ASTN1: variants seen among roughly 807,000 people sequenced by gnomAD.
ASTN1 encodes the protein astrotactin-1.
In ASTN1, 41 loss-of-function variants were observed where a neutral mutation model predicts 140.7. That is an observed-to-expected ratio of 0.29 (90% confidence interval 0.23 to 0.38). The LOEUF is 0.38. Among genes scored for constraint, ASTN1 ranks in the 10% least tolerant of loss-of-function variants. The pLI is 1.00. For synonymous variants in ASTN1, 640 were observed against 652.2 expected (o/e 0.98, Z 0.29); for missense variants, 1,479 against 1,678.8 (o/e 0.88, Z 2.08).
At chr1:177,108,134 G>T (rs1476577911) in intron 1 of ASTN1, among the ~76,000 whole-genome samples, 1 of 152,132 alleles carries the variant, frequency 6.6e-6, no homozygotes, top group South Asian at 2.1e-4. Flanking sequence ...CAGATCACAA[G>T]GTCAGGAGAT....
intron 12 of ASTN1, among the ~76,000 whole-genome samples, 171 bp downstream of exon 12, chr1:176,949,014 T>C (rs1435183924): frequency 6.6e-6 from 1 of 152,162 alleles, no homozygotes; most frequent in Non-Finnish European, 1.5e-5. Flanking sequence ...CTTTAAAATG[T>C]TCCCCCTCGA....
At chr1:177,082,812 G>A (rs1679243908) in intron 1 of ASTN1, among the ~76,000 whole-genome samples, 1 of 152,134 alleles carries the variant, frequency 6.6e-6, no homozygotes, top group Admixed American at 6.5e-5. Flanking sequence ...GGTATTGGTA[G>A]CTCATTACTT....
At chr1:176,926,865 A>T (rs1670991534) in intron 16 of ASTN1, among the ~76,000 whole-genome samples, 3 of 152,198 alleles carry the variant, frequency 2.0e-5, no homozygotes. Context: ...ATCAGCCTGA[A>T]ATACACAAGG....
At chr1:177,106,843 TG>T (rs1680568258) in intron 1 of ASTN1, among the ~76,000 whole-genome samples, 1 of 152,208 alleles carries the variant, frequency 6.6e-6, no homozygotes, top group South Asian at 2.1e-4. Flanking sequence ...AGTAATTTGC[TG>T]TCCTAATTCC....
chr1:177,121,593 G>A (rs1166658166), intron 1 of ASTN1, among the ~76,000 whole-genome samples: 1 of 152,040 alleles, frequency 6.6e-6, no homozygotes, highest in Non-Finnish European at 1.5e-5. Context: ...AAGGTATAGA[G>A]CATTTTACTA....
intron 16 of ASTN1, among the ~76,000 whole-genome samples, chr1:176,897,494 G>T (rs913322027): frequency 6.6e-6 from 1 of 151,880 alleles, no homozygotes; most frequent in African/African-American, 2.4e-5. Context: ...GAATTTGTTC[G>T]AGTCTGGGAA....
intron 15 of ASTN1, among the ~76,000 whole-genome samples, chr1:176,935,791 ATCTCTCAG>A (rs1347433281): frequency 6.8e-6 from 1 of 146,816 alleles, no homozygotes; most frequent in African/African-American, 2.5e-5. Context: ...CTTTCTCTCA[ATCTCTCAG>A]TCTCTTTATT....
intron 1 of ASTN1, among the ~76,000 whole-genome samples, chr1:177,124,868 G>A (rs999738353): frequency 2.0e-5 from 3 of 152,154 alleles, no homozygotes; most frequent in Non-Finnish European, 4.4e-5. Context: ...TTTCACATGG[G>A]GCTATAGAGA....
chr1:177,089,822 A>G (rs1679657068), intron 1 of ASTN1, among the ~76,000 whole-genome samples: 1 of 152,166 alleles, frequency 6.6e-6, no homozygotes, highest in Non-Finnish European at 1.5e-5. Context: ...TAGAGACACG[A>G]AAATAGAAAT....
chr1:177,010,109 T>C (rs1036108806), intron 8 of ASTN1, among the ~76,000 whole-genome samples: 2 of 152,186 alleles, frequency 1.3e-5, no homozygotes, highest in Non-Finnish European at 2.9e-5. Flanking sequence ...CTGTTTTTCC[T>C]CCTCTAATAT....
intron 7 of ASTN1, 166 bp downstream of exon 7, chr1:177,023,238 T>C (rs968490176): frequency 2.4e-6 from 2 of 843,118 alleles, no homozygotes; most frequent in African/African-American, 3.6e-5. Flanking sequence ...ACCACAGTTT[T>C]AGCCAATAAG....
At chr1:177,103,655 T>TC (rs1036577586) in intron 1 of ASTN1, among the ~76,000 whole-genome samples, 2 of 152,122 alleles carry the variant, frequency 1.3e-5, no homozygotes, top group Non-Finnish European at 2.9e-5. Flanking sequence ...GACTCTCTTC[T>TC]CTAAGGCTTC....
At chr1:177,042,788 T>C (rs947963122) in intron 2 of ASTN1, among the ~76,000 whole-genome samples, 1 of 152,218 alleles carries the variant, frequency 6.6e-6, no homozygotes, top group Non-Finnish European at 1.5e-5. Context: ...CCGTGTCACA[T>C]AGAAAGAAGC....
At chr1:176,857,867 C>T (rs997622427), downstream of ASTN1, among the ~76,000 whole-genome samples, 1 of 152,146 alleles carries the variant, frequency 6.6e-6, no homozygotes, top group African/African-American at 2.4e-5. Flanking sequence ...GCACTTAAGT[C>T]CTTCCAAACC....
At chr1:177,050,026 G>A (rs975160453) in intron 2 of ASTN1, among the ~76,000 whole-genome samples, 9 of 152,166 alleles carry the variant, frequency 5.9e-5, no homozygotes, top group Non-Finnish European at 1.0e-4. Context: ...ATCATAGTTG[G>A]GACACAGAGC....
At position 176,869,995 on chromosome 1, in the gene ASTN1, C is replaced by T. The variant is rs1668274660; in HGVS notation, c.3464-968G>A. Among the ~76,000 whole-genome samples, 3 of 151,990 alleles carry T rather than the reference C, an allele frequency of 2.0e-5. No individual in the cohort carries two copies. In the South Asian group the frequency reaches 6.2e-4, roughly 32 times the overall value. ...ATCTAGTGTAAATGAGTAATCTTTC[C>T]ATTTAATTTATGTCTCTGATATTTC... On this transcript the variant is annotated intron_variant, in intron 21 of 22. Coordinates refer to ENST00000361833, the MANE Select transcript of ASTN1 (RefSeq NM_004319.3).
Position 176,863,412 on chromosome 1 carries a change from G to T in ASTN1, c.*872C>A. ...TAATCCAGGCACATGGATATATATTGGTAGGCTGGAGAAGTCTATCCAAAG... is the reference window on the plus strand; with the variant it reads ...TAATCCAGGCACATGGATATATATTTGTAGGCTGGAGAAGTCTATCCAAAG... On this transcript the variant is annotated 3_prime_UTR_variant, in exon 23 of 23. Coordinates refer to ENST00000361833, the MANE Select transcript of ASTN1 (RefSeq NM_004319.3). The T allele has an allele frequency of 2.0e-6, 2 of 985,756 alleles. No individual in the cohort carries two copies. Among genetic ancestry groups the T allele is most frequent in the African/African-American group, 1.7e-5 (1 of 57,340 alleles). The allele number at this position is 985,756 out of a possible 1,614,324, so 61.1% of individuals were successfully genotyped here. A position where few individuals can be genotyped will look rare whatever the true frequency, so the allele number is the denominator to read the frequency against.
chr1:176,985,842 C>G (rs1673867376), intron 8 of ASTN1, among the ~76,000 whole-genome samples: 2 of 140,466 alleles, frequency 1.4e-5, no homozygotes, highest in South Asian at 4.6e-4. Flanking sequence ...CTCTCTCTCT[C>G]TCTACACACA....
chr1:176,867,481 A>G (rs1040407716), intron 22 of ASTN1, among the ~76,000 whole-genome samples: 4 of 151,934 alleles, frequency 2.6e-5, no homozygotes, highest in African/African-American at 7.3e-5. Flanking sequence ...CTTAACATGT[A>G]TCTACTTTCT....
Sources: allele counts gnomAD v4.1 joint callset (sites outside exome capture counted in the v4.1 genomes callset), GRCh38; gene constraint gnomAD v4.1.1; transcripts MANE v1.5; gene names NCBI Gene and HGNC (gene_info 2026-07-23, HGNC 2026-07-21).